CCSER1: variants seen among roughly 807,000 people sequenced by gnomAD.
CCSER1 encodes the protein serine-rich coiled-coil domain-containing protein 1.
Under a neutral mutation model 82.0 loss-of-function variants are expected in CCSER1, and 41 were observed. The ratio of observed to expected loss-of-function variants is 0.50; its 90% CI spans 0.39 to 0.65. The LOEUF (loss-of-function observed/expected upper bound fraction) is 0.65. Among genes scored for constraint, CCSER1 ranks in the 30% least tolerant of loss-of-function variants. CCSER1 has a pLI of 0.00. For missense variants in CCSER1, 1,119 were observed against 1,064.2 expected, an observed-to-expected ratio of 1.05 and a Z score of -0.72; for synonymous variants, 414 against 383.9, an observed-to-expected ratio of 1.08 and a Z score of -0.92.
chr4:91,217,005 G>C (rs998675126), intron 10 of CCSER1, among the ~76,000 whole-genome samples: 1 of 152,136 alleles, frequency 6.6e-6, no homozygotes, highest in South Asian at 2.1e-4. Flanking sequence ...GGACCCTCGC[G>C]GTGAGTGTTA....
intron 1 of CCSER1, among the ~76,000 whole-genome samples, chr4:90,197,201 C>G (rs1387544763): frequency 6.6e-6 from 1 of 152,046 alleles, no homozygotes; most frequent in Non-Finnish European, 1.5e-5. Flanking sequence ...AGATGACTAG[C>G]CAGATTAAAG....
chr4:91,257,471 C>CTACA (rs1486480050), intron 10 of CCSER1, among the ~76,000 whole-genome samples: 1 of 45,816 alleles, frequency 2.2e-5, no homozygotes, highest in Non-Finnish European at 4.1e-5. Context: ...GAATACATAC[C>CTACA]TACACACACA....
chr4:90,202,945 A>G (rs1738046795), intron 1 of CCSER1, among the ~76,000 whole-genome samples: 1 of 152,228 alleles, frequency 6.6e-6, no homozygotes, highest in African/African-American at 2.4e-5. Context: ...ATGTCCAGGA[A>G]TATTTGCAAT....
At chr4:90,943,804 G>A (rs545677818) in intron 9 of CCSER1, among the ~76,000 whole-genome samples, 1 of 136,300 alleles carries the variant, frequency 7.3e-6, no homozygotes, top group Admixed American at 8.2e-5. Context: ...TCAAACTACT[G>A]GCCTCAAAAC....
intron 10 of CCSER1, among the ~76,000 whole-genome samples, chr4:91,516,400 C>T (rs1760126155): frequency 6.6e-6 from 1 of 151,952 alleles, no homozygotes; most frequent in South Asian, 2.1e-4. Context: ...TTCAAGGAGG[C>T]ATCTGGTTTC....
chr4:90,372,168 TG>T (rs1211008679), intron 3 of CCSER1, among the ~76,000 whole-genome samples: 2 of 152,070 alleles, frequency 1.3e-5, no homozygotes, highest in Non-Finnish European at 1.5e-5. Context: ...AAATTCCTCC[TG>T]GGAAAAAATG....
intron 9 of CCSER1, among the ~76,000 whole-genome samples, chr4:91,085,613 G>A (rs996655404): frequency 1.3e-5 from 2 of 152,080 alleles, no homozygotes. Flanking sequence ...AGAGTAGGAG[G>A]TTACCATCAT....
chr4:90,916,397 A>T (rs539964318), intron 8 of CCSER1, among the ~76,000 whole-genome samples: 135 of 152,304 alleles, frequency 8.9e-4, no homozygotes, highest in African/African-American at 3.1e-3. Context: ...AAACCTGACA[A>T]AAACAAGAAA....
intron 6 of CCSER1, among the ~76,000 whole-genome samples, chr4:90,699,549 A>C (rs922943799): frequency 6.6e-6 from 1 of 152,164 alleles, no homozygotes; most frequent in African/African-American, 2.4e-5. Flanking sequence ...GGTTCTGCTT[A>C]AGTTTAGAAA....
chr4:90,212,666 G>A (rs1740248756), intron 1 of CCSER1, among the ~76,000 whole-genome samples: 1 of 152,176 alleles, frequency 6.6e-6, no homozygotes, highest in African/African-American at 2.4e-5. Flanking sequence ...TGGAGAGTTT[G>A]AAACTCCAAA....
At chr4:91,078,028 G>T (rs541661873) in intron 9 of CCSER1, among the ~76,000 whole-genome samples, 2 of 152,216 alleles carry the variant, frequency 1.3e-5, no homozygotes, top group African/African-American at 4.8e-5. Context: ...GGGCATAGCC[G>T]AACAAAAGGC....
intron 1 of CCSER1, among the ~76,000 whole-genome samples, chr4:90,296,653 T>C (rs574222024): frequency 6.6e-6 from 1 of 152,304 alleles, no homozygotes; most frequent in South Asian, 2.1e-4. Flanking sequence ...TTAATCCATC[T>C]TGGATTAATT....
At chr4:90,514,392 T>TA (rs1335678975) in intron 5 of CCSER1, among the ~76,000 whole-genome samples, 1 of 152,202 alleles carries the variant, frequency 6.6e-6, no homozygotes, top group Non-Finnish European at 1.5e-5. Context: ...ACTATAGATG[T>TA]AAAATGATAT....
At chr4:91,162,184 A>G (rs1263241984) in intron 10 of CCSER1, among the ~76,000 whole-genome samples, 4 of 152,086 alleles carry the variant, frequency 2.6e-5, no homozygotes, top group Non-Finnish European at 4.4e-5. Context: ...ATCTACTGAG[A>G]TAATCATGTG....
At chr4:90,449,769 G>T (rs972925153) in intron 4 of CCSER1, among the ~76,000 whole-genome samples, 1 of 152,236 alleles carries the variant, frequency 6.6e-6, no homozygotes, top group African/African-American at 2.4e-5. Context: ...CAGTGGGAAG[G>T]TCACTTCCAA....
rs575624082 is a variant in CCSER1, at chr4:91,451,730, TA to T, written c.2218-146835del. Among the ~76,000 whole-genome samples, 108 of 151,994 alleles carry T rather than the reference TA, an allele frequency of 7.1e-4. 1 individual carries two copies. The highest frequency in any genetic ancestry group is 3.9e-3 in the South Asian group (19 of 4,828). On this transcript the variant is annotated intron_variant, in intron 10 of 10. Coordinates refer to ENST00000509176, the MANE Select transcript of CCSER1 (RefSeq NM_001145065.2). ...AAGCTGAAAAATACAATGTTTGAGA[TA>T]AAAAAATACTTGGGTGGAATTAATA...
chr4:90,563,139 G>A (rs1778980269), intron 5 of CCSER1, among the ~76,000 whole-genome samples: 1 of 151,134 alleles, frequency 6.6e-6, no homozygotes, highest in South Asian at 2.1e-4. Context: ...TTGAGACGAA[G>A]TCTTGCTCTG....
At chr4:90,485,917 G>A (rs934932760) in intron 5 of CCSER1, among the ~76,000 whole-genome samples, 2 of 151,958 alleles carry the variant, frequency 1.3e-5, no homozygotes, top group Admixed American at 6.6e-5. Context: ...TAATGGCTAC[G>A]TATATACTGG....
intron 5 of CCSER1, among the ~76,000 whole-genome samples, chr4:90,615,977 T>C (rs1721113865): frequency 6.6e-6 from 1 of 152,188 alleles, no homozygotes; most frequent in Non-Finnish European, 1.5e-5. Context: ...ACCACCACCC[T>C]GATCAGTCAG....
Sources: gnomAD v4.1 joint callset for allele counts (sites outside exome capture counted in the v4.1 genomes callset) on GRCh38, gnomAD v4.1.1 for gene constraint, MANE v1.5 for transcripts, NCBI Gene and HGNC (gene_info 2026-07-23, HGNC 2026-07-21) for gene names.